The following MGAM variants were observed in gnomAD, a reference collection of about 807,000 sequenced individuals.
MGAM encodes alpha-1,4-glucosidase.
In MGAM, 253 loss-of-function variants were observed where a neutral mutation model predicts 358.8. That is an observed-to-expected ratio of 0.71 (90% CI 0.64 to 0.78). MGAM has a LOEUF of 0.78. Ranked by LOEUF, MGAM falls within the 30% of genes least tolerant of loss-of-function variation. The pLI is 0.00. For synonymous variants in MGAM, 1,105 were observed against 1,227.1 expected (o/e 0.90, Z 2.08); for missense variants, 3,080 against 3,432.6 (o/e 0.90, Z 2.57).
chr7:141,988,644 C>T (rs1196564042), intron 2 of MGAM, among the ~76,000 whole-genome samples: 1 of 152,090 alleles, frequency 6.6e-6, no homozygotes, highest in African/African-American at 2.4e-5. Context: ...GGATTACAGG[C>T]GTGAGCCACC....
intron 4 of MGAM, among the ~76,000 whole-genome samples, chr7:142,020,268 A>G (rs1177389042): frequency 3.3e-5 from 5 of 152,162 alleles, no homozygotes; most frequent in African/African-American, 1.2e-4. Flanking sequence ...GATGGCATCA[A>G]TGGATATAAT....
chr7:142,041,915 ACG>A (rs368392214), intron 21 of MGAM, among the ~76,000 whole-genome samples: 941 of 23,552 alleles, frequency 0.04, 36 homozygotes, highest in African/African-American at 0.071. Context: ...TTATATATAT[ACG>A]TATAATATAT....
intron 2 of MGAM, among the ~76,000 whole-genome samples, chr7:141,987,894 A>G (rs1228761389): frequency 6.6e-6 from 1 of 152,156 alleles, no homozygotes; most frequent in Non-Finnish European, 1.5e-5. Context: ...ACCTTTAGCA[A>G]CTCATTTCTC....
chr7:142,088,128 T>C (rs536792123), intron 57 of MGAM, among the ~76,000 whole-genome samples: 1 of 146,346 alleles, frequency 6.8e-6, no homozygotes, highest in African/African-American at 2.4e-5. Context: ...GGAGAACAGA[T>C]GGTACTGCAA....
At chr7:142,044,195 A>ATGTAAATTATATACACATACGACG (rs1809610698) in intron 21 of MGAM, among the ~76,000 whole-genome samples, 1 of 135,202 alleles carries the variant, frequency 7.4e-6, no homozygotes, top group African/African-American at 2.6e-5. Flanking sequence ...GACATATAAT[A>ATGTAAATTATATACACATACGACG]TATAATATAT....
intron 57 of MGAM, among the ~76,000 whole-genome samples, chr7:142,090,517 G>C (rs1309340994): frequency 6.9e-6 from 1 of 145,894 alleles, no homozygotes; most frequent in African/African-American, 2.4e-5. Context: ...GTGACCCACT[G>C]TCTTCTCACA....
intron 18 of MGAM, among the ~76,000 whole-genome samples, chr7:142,037,231 G>C (rs782758566): frequency 9.2e-5 from 14 of 152,144 alleles, no homozygotes; most frequent in Non-Finnish European, 7.4e-5. Flanking sequence ...TGGGACTACA[G>C]GTCTTTTCTT....
chr7:142,019,199 G>T lies in MGAM; in HGVS notation c.328G>T (p.Ala110Ser), dbSNP rs782768460. The T allele has an allele frequency of 6.2e-7, 1 of 1,612,460 alleles. No homozygotes were observed. The highest frequency in any genetic ancestry group is 8.5e-7 in the Non-Finnish European group (1 of 1,179,208). Residue 110 changes from alanine (A) to serine (S), a missense_variant and splice_region_variant, in exon 4 of 71, where the codon GCC becomes TCC. Physicochemically the swap from Ala to Ser is moderately conservative, Grantham distance 99. This residue lies in a region of MGAM where 1,816 missense variants were observed against 1,840.5 expected (regional missense o/e 0.99). Coordinates refer to ENST00000475668, the MANE Select transcript of MGAM (RefSeq NM_001365693.1). The part of the protein sequence containing the change: ...NCIPDQPPTK[A>S]TCDQRGCCWN... ...TTCTTTGACTAACCTCTTGTTTCAGGCCACATGTGACCAACGTGGCTGTTG... is the reference window on the plus strand; with the variant it reads ...TTCTTTGACTAACCTCTTGTTTCAGTCCACATGTGACCAACGTGGCTGTTG...
chr7:142,005,554 AT>A lies in MGAM; in HGVS notation c.27del (p.Phe9LeufsTer22). On this transcript the variant is annotated frameshift_variant, in exon 2 of 71. Transcript: ENST00000475668. LOFTEE classifies it high-confidence loss of function. MARKKLKK[F>X]TTLEIVLSVL... ...AGATGGCAAGAAAGAAGCTGAAAAA[AT>A]TTACTACTTTGGAGATTGTGCTCAG... 1 of 1,559,894 alleles carries A rather than the reference AT, an allele frequency of 6.4e-7. No homozygotes were observed. The highest frequency in any genetic ancestry group is 8.6e-7 in the Non-Finnish European group (1 of 1,156,142).
chr7:142,001,682 A>T (rs1177432612), intron 1 of MGAM, among the ~76,000 whole-genome samples: 2 of 152,162 alleles, frequency 1.3e-5, no homozygotes, highest in African/African-American at 4.8e-5. Flanking sequence ...GCCATAAAGC[A>T]CTTAATGAAG....
intron 21 of MGAM, among the ~76,000 whole-genome samples, chr7:142,043,984 A>G (rs1196676584): frequency 2.5e-5 from 3 of 121,696 alleles, no homozygotes; most frequent in South Asian, 2.4e-4. Flanking sequence ...CGTATAATAT[A>G]TACATTATAT....
chr7:141,988,010 G>A (rs1296307910), intron 2 of MGAM, among the ~76,000 whole-genome samples: 7 of 152,166 alleles, frequency 4.6e-5, no homozygotes, highest in African/African-American at 1.7e-4. Flanking sequence ...CTCCGAGGCT[G>A]GGCGTGGTGG....
chr7:142,043,787 A>G (rs1275248276), intron 21 of MGAM, among the ~76,000 whole-genome samples: 1 of 82,236 alleles, frequency 1.2e-5, no homozygotes, highest in African/African-American at 3.4e-5. Context: ...TACACATACG[A>G]CATATAATAT....
intron 8 of MGAM, among the ~76,000 whole-genome samples, chr7:142,026,590 A>T (rs1806994214): frequency 1.3e-5 from 2 of 152,120 alleles, no homozygotes; most frequent in African/African-American, 2.4e-5. Flanking sequence ...GGAAAGATAA[A>T]TGGGCCCTTA....
chr7:142,029,323 G>A (rs1433101043), intron 10 of MGAM, among the ~76,000 whole-genome samples: 1 of 151,764 alleles, frequency 6.6e-6, no homozygotes, highest in African/African-American at 2.4e-5. Context: ...TCGTGCCACT[G>A]TATTCCAGCC....
upstream of MGAM, among the ~76,000 whole-genome samples, chr7:141,994,420 A>T (rs1247836351): frequency 2.6e-5 from 4 of 152,108 alleles, no homozygotes; most frequent in Non-Finnish European, 5.9e-5. Context: ...TGTATAATTG[A>T]TTGGCAGGGA....
At chr7:142,030,526 A>G (rs1554462953) in intron 11 of MGAM, 33 bp downstream of exon 11, 2 of 1,612,758 alleles carry the variant, frequency 1.2e-6, no homozygotes, top group Non-Finnish European at 1.7e-6. Flanking sequence ...CAAATTAGGT[A>G]TTTGCTCCTC....
chr7:142,052,259 A>T, intron 24 of MGAM, 35 bp from the exon 25 acceptor site: 1 of 1,556,964 alleles, frequency 6.4e-7, no homozygotes, highest in East Asian at 2.3e-5. Context: ...TGTCTCCTAA[A>T]GATGAATTTC....
At chr7:142,067,987 T>TAAATATATATATA (rs1491516915) in intron 42 of MGAM, among the ~76,000 whole-genome samples, 3 of 6,690 alleles carry the variant, frequency 4.5e-4, no homozygotes, top group Non-Finnish European at 9.6e-4. Flanking sequence ...TATATATATA[T>TAAATATATATATA]TTTTTTTTTT....
Sources: gnomAD v4.1 joint callset for allele counts (sites outside exome capture counted in the v4.1 genomes callset) on GRCh38, gnomAD v4.1.1 for gene constraint, gnomAD v4.1.1 regional missense constraint, MANE v1.5 for transcripts, NCBI Gene and HGNC (gene_info 2026-07-23, HGNC 2026-07-21) for gene names.